FSTL5: variants seen among roughly 807,000 people sequenced by gnomAD.
FSTL5 encodes the protein follistatin like 5, also known as follistatin-related protein 5.
A neutral mutation model predicts 89.1 loss-of-function variants in FSTL5; 62 were observed. The ratio of observed to expected loss-of-function variants is 0.70; its 90% confidence interval spans 0.57 to 0.86. The LOEUF (loss-of-function observed/expected upper bound fraction) is 0.86. Ranked by LOEUF, FSTL5 falls within the 40% of genes least tolerant of loss-of-function variation. The pLI is 0.00. For synonymous variants in FSTL5, 383 were observed against 346.2 expected (o/e 1.11, Z -1.18); for missense variants, 1,057 against 1,001.6 (o/e 1.06, Z -0.75).
chr4:161,791,224 G>A (rs1468970694), intron 4 of FSTL5, among the ~76,000 whole-genome samples: 1 of 151,980 alleles, frequency 6.6e-6, no homozygotes, highest in East Asian at 1.9e-4. Flanking sequence ...AAAATGGGAA[G>A]TGAAAAATGA....
intron 6 of FSTL5, among the ~76,000 whole-genome samples, chr4:161,728,122 G>C (rs1448783657): frequency 6.6e-6 from 1 of 152,198 alleles, no homozygotes; most frequent in Non-Finnish European, 1.5e-5. Context: ...AGAAGTCTGA[G>C]CTTGATTCCC....
At chr4:161,533,087 A>G (rs1441839457) in intron 10 of FSTL5, among the ~76,000 whole-genome samples, 1 of 152,040 alleles carries the variant, frequency 6.6e-6, no homozygotes, top group African/African-American at 2.4e-5. Context: ...GTGTTAAGAG[A>G]AAAGTTCATA....
At chr4:161,850,223 C>A (rs1731504776) in intron 4 of FSTL5, among the ~76,000 whole-genome samples, 1 of 152,056 alleles carries the variant, frequency 6.6e-6, no homozygotes, top group Non-Finnish European at 1.5e-5. Flanking sequence ...GGGATTTTAT[C>A]CAGAAAATGG....
At chr4:161,432,314 T>A (rs537732220) in intron 15 of FSTL5, among the ~76,000 whole-genome samples, 1 of 152,118 alleles carries the variant, frequency 6.6e-6, no homozygotes, top group Non-Finnish European at 1.5e-5. Context: ...TTTTGAAAAC[T>A]AAACAAACAC....
At chr4:161,835,151 T>A (rs62536778) in intron 4 of FSTL5, among the ~76,000 whole-genome samples, 106,164 of 148,286 alleles carry the variant, frequency 0.72, 38,386 homozygotes, top group Non-Finnish European at 0.76. Flanking sequence ...TAACGCTGCA[T>A]ATCTACAACT....
intron 9 of FSTL5, among the ~76,000 whole-genome samples, chr4:161,540,260 A>C (rs1228590055): frequency 6.6e-6 from 1 of 152,160 alleles, no homozygotes; most frequent in African/African-American, 2.4e-5. Flanking sequence ...TATAATTTTC[A>C]GATTCACAGT....
intron 4 of FSTL5, among the ~76,000 whole-genome samples, chr4:161,824,777 A>G (rs540000426): frequency 2.4e-4 from 37 of 152,258 alleles, no homozygotes; most frequent in African/African-American, 8.4e-4. Context: ...TGATTTGTGC[A>G]TATTAATTTT....
At position 161,459,318 on chromosome 4, in the gene FSTL5, G is replaced by A. The variant is rs199906343; in HGVS notation, c.1610C>T (p.Ala537Val). The change falls in exon 14 of 16, where the codon GCA becomes GTA. Residue 537 changes from alanine (A) to valine (V), a missense_variant and splice_region_variant. This residue lies in a region of FSTL5 where 980 missense variants were observed against 903.2 expected (regional missense o/e 1.08). Transcript: ENST00000306100. ...VDVQSQKVVQ[A>V]VSTDPVPVKL... The stretch of plus-strand genomic sequence containing the variant: ...AACTGGGACAGGGTCTGTGCTCACT[G>A]CCTACAATAAAGAAGAATTGAAAAA... 103 of 1,597,552 alleles carry A rather than the reference G, an allele frequency of 6.4e-5. 1 individual carries two copies. In the East Asian group the frequency reaches 2.3e-3, roughly 36 times the overall value.
intron 8 of FSTL5, among the ~76,000 whole-genome samples, chr4:161,546,062 G>C (rs1167341748): frequency 6.6e-6 from 1 of 151,340 alleles, no homozygotes; most frequent in African/African-American, 2.4e-5. Flanking sequence ...AAATCAACTA[G>C]AAATGCTATA....
rs144182976 is a variant in FSTL5, at chr4:162,092,574, C to T, written c.126+18697G>A. The stretch of plus-strand genomic sequence containing the variant: ...CACTGAAAGTAACTCATTTTGAGAT[C>T]CTTTTCCTAAAGTTTGATAAGTAGA... On this transcript the variant is annotated intron_variant, in intron 2 of 15. Coordinates refer to ENST00000306100, the MANE Select transcript of FSTL5 (RefSeq NM_020116.5). Among the ~76,000 whole-genome samples the T allele has an allele frequency of 1.4e-4, 22 of 152,162 alleles. No individual in the cohort carries two copies. The East Asian group carries it at 2.7e-3, about 19-fold the overall frequency.
At chr4:161,429,925 G>A (rs1732295987) in intron 15 of FSTL5, among the ~76,000 whole-genome samples, 1 of 152,158 alleles carries the variant, frequency 6.6e-6, no homozygotes, top group Non-Finnish European at 1.5e-5. Context: ...TGAAGAGACA[G>A]AGATGTGACC....
At chr4:161,635,848 A>G (rs766844098) in intron 7 of FSTL5, among the ~76,000 whole-genome samples, 5 of 152,218 alleles carry the variant, frequency 3.3e-5, no homozygotes, top group Non-Finnish European at 5.9e-5. Context: ...TATATCCACC[A>G]TAAATGCAAT....
intron 8 of FSTL5, among the ~76,000 whole-genome samples, chr4:161,561,259 G>A (rs534567461): frequency 6.6e-6 from 1 of 152,038 alleles, no homozygotes; most frequent in South Asian, 2.1e-4. Flanking sequence ...TTTGTTACAG[G>A]AATTTGACCT....
chr4:161,540,261 G>A (rs898979384), intron 9 of FSTL5, among the ~76,000 whole-genome samples: 1 of 152,096 alleles, frequency 6.6e-6, no homozygotes, highest in Non-Finnish European at 1.5e-5. Context: ...ATAATTTTCA[G>A]ATTCACAGTT....
At chr4:161,739,460 T>G (rs1195324677) in intron 6 of FSTL5, among the ~76,000 whole-genome samples, 3 of 152,216 alleles carry the variant, frequency 2.0e-5, no homozygotes, top group Non-Finnish European at 4.4e-5. Flanking sequence ...ATTGTTATGG[T>G]ACAACCCTAG....
chr4:161,984,165 A>G (rs1158797183), intron 3 of FSTL5, among the ~76,000 whole-genome samples: 2 of 152,012 alleles, frequency 1.3e-5, no homozygotes, highest in Admixed American at 1.3e-4. Context: ...TTTATATTTC[A>G]TGTCATGCTA....
intron 15 of FSTL5, among the ~76,000 whole-genome samples, chr4:161,441,788 G>A (rs553156949): frequency 6.6e-6 from 1 of 152,012 alleles, no homozygotes; most frequent in Non-Finnish European, 1.5e-5. Context: ...TCCCTTTGAG[G>A]AAAGTCCTAG....
intron 2 of FSTL5, among the ~76,000 whole-genome samples, chr4:162,084,661 A>G (rs1398342541): frequency 6.6e-6 from 1 of 152,088 alleles, no homozygotes; most frequent in African/African-American, 2.4e-5. Context: ...TTCTTAGCAG[A>G]GTAACACGGG....
chr4:161,656,766 C>T (rs1736534283), intron 6 of FSTL5, among the ~76,000 whole-genome samples: 1 of 151,944 alleles, frequency 6.6e-6, no homozygotes, highest in Non-Finnish European at 1.5e-5. Context: ...CAGATTGCAC[C>T]CAAAAGAGAG....
Sources: gnomAD v4.1 joint callset for allele counts (sites outside exome capture counted in the v4.1 genomes callset) on GRCh38, gnomAD v4.1.1 for gene constraint, gnomAD v4.1.1 regional missense constraint, MANE v1.5 for transcripts, NCBI Gene and HGNC (gene_info 2026-07-23, HGNC 2026-07-21) for gene names.